The following CMTM8 variants were observed in gnomAD, a reference collection of about 807,000 sequenced individuals.
CMTM8 encodes CKLF-like MARVEL transmembrane domain-containing protein 8.
CMTM8 carries 12 observed loss-of-function variants against 18.6 expected under a neutral mutation model. The ratio of observed to expected loss-of-function variants is 0.65; its 90% CI spans 0.41 to 1.05. The LOEUF is 1.05. Ranked by LOEUF, CMTM8 falls within the 50% of genes least tolerant of loss-of-function variation. The probability of loss-of-function intolerance (pLI) is 0.00; values close to 1 mark genes in which losing one functional copy is unlikely to be tolerated. For missense variants in CMTM8, 217 were observed against 227.2 expected (o/e 0.95, Z 0.29); for synonymous variants, 87 against 90.6 (o/e 0.96, Z 0.23).
intron 1 of CMTM8, among the ~76,000 whole-genome samples, chr3:32,323,805 C>G (rs987387705): frequency 1.3e-5 from 2 of 152,318 alleles, no homozygotes; most frequent in African/African-American, 4.8e-5. Context: ...GTTGCCAAAG[C>G]GTTTCTCCAC....
Position 32,263,846 on chromosome 3 carries a change from A to G in CMTM8, c.147+24727A>G, listed in dbSNP as rs539512220. Among the ~76,000 whole-genome samples the G allele has an allele frequency of 2.6e-5, 4 of 152,356 alleles. No individual in the cohort carries two copies. The East Asian group carries it at 7.7e-4, about 29-fold the overall frequency. On this transcript the variant is annotated intron_variant, in intron 1 of 3. Transcript: ENST00000307526. The stretch of plus-strand genomic sequence containing the variant: ...AATTCGATCAACCGGAAGAAAGGGT[A>G]TCAGTGATGGAAGATCAAATGAATG...
intron 1 of CMTM8, among the ~76,000 whole-genome samples, chr3:32,295,902 T>G (rs1702870754): frequency 6.6e-6 from 1 of 152,202 alleles, no homozygotes; most frequent in African/African-American, 2.4e-5. Flanking sequence ...TCCTAAAATG[T>G]TCCATGCTGT....
intron 1 of CMTM8, among the ~76,000 whole-genome samples, chr3:32,319,638 A>C (rs1696004902): frequency 6.6e-6 from 1 of 152,210 alleles, no homozygotes; most frequent in African/African-American, 2.4e-5. Flanking sequence ...TCAATTGAAC[A>C]GTCCAGTGAC....
chr3:32,294,520 T>C (rs993276431), intron 1 of CMTM8, among the ~76,000 whole-genome samples: 2 of 152,208 alleles, frequency 1.3e-5, no homozygotes, highest in African/African-American at 4.8e-5. Context: ...TGGTTTTGAA[T>C]TCCAGCCTTA....
chr3:32,267,256 T>G (rs1291429642), intron 1 of CMTM8, among the ~76,000 whole-genome samples: 1 of 152,048 alleles, frequency 6.6e-6, no homozygotes, highest in Admixed American at 6.6e-5. Flanking sequence ...AACAGAGATA[T>G]AGACCAATGG....
intron 1 of CMTM8, among the ~76,000 whole-genome samples, chr3:32,297,303 C>T (rs1414715063): frequency 8.5e-5 from 13 of 152,110 alleles, no homozygotes; most frequent in Non-Finnish European, 2.9e-5. Context: ...CTCAGCCTCC[C>T]AAGTAGCTGG....
chr3:32,250,597 C>A (rs1702099952), intron 1 of CMTM8, among the ~76,000 whole-genome samples: 1 of 152,004 alleles, frequency 6.6e-6, no homozygotes, highest in Admixed American at 6.6e-5. Flanking sequence ...ACATGTCTTG[C>A]CCTTCTTTTG....
intron 1 of CMTM8, among the ~76,000 whole-genome samples, chr3:32,344,211 G>A (rs73824690): frequency 1.1e-4 from 16 of 152,262 alleles, no homozygotes; most frequent in African/African-American, 3.6e-4. Context: ...TATTTCAGAG[G>A]TATGCTGAGA....
At chr3:32,324,880 C>T (rs755274507) in intron 1 of CMTM8, among the ~76,000 whole-genome samples, 98 of 152,304 alleles carry the variant, frequency 6.4e-4, no homozygotes, top group Non-Finnish European at 6.9e-4. Context: ...AAGAGGCAAT[C>T]GTGGAAAAGT....
At chr3:32,338,402 C>T (rs1696429339) in intron 1 of CMTM8, among the ~76,000 whole-genome samples, 1 of 152,080 alleles carries the variant, frequency 6.6e-6, no homozygotes, top group South Asian at 2.1e-4. Flanking sequence ...TGACTGAGTA[C>T]CCTAGGGCCA....
intron 1 of CMTM8, among the ~76,000 whole-genome samples, chr3:32,355,673 C>A (rs1050363930): frequency 6.6e-6 from 1 of 152,144 alleles, no homozygotes; most frequent in Admixed American, 6.6e-5. Context: ...TTGCTTAAAA[C>A]TCTCCCACTG....
At chr3:32,338,344 A>G (rs1032365882) in intron 1 of CMTM8, among the ~76,000 whole-genome samples, 3 of 152,140 alleles carry the variant, frequency 2.0e-5, no homozygotes, top group African/African-American at 7.2e-5. Flanking sequence ...CCCTTAGCCC[A>G]GTAGTTCTAA....
chr3:32,317,472 A>G (rs911725926), intron 1 of CMTM8, among the ~76,000 whole-genome samples: 3 of 152,204 alleles, frequency 2.0e-5, no homozygotes, highest in African/African-American at 2.4e-5. Context: ...TTTGGATTTT[A>G]TATTTGAATT....
At chr3:32,362,134 G>A (rs1446980100) in intron 2 of CMTM8, among the ~76,000 whole-genome samples, 3 of 137,066 alleles carry the variant, frequency 2.2e-5, no homozygotes, top group Admixed American at 8.6e-5. Flanking sequence ...TCCGCCTCCC[G>A]GGTTCAAACA....
At chr3:32,250,427 G>A (rs1702098128) in intron 1 of CMTM8, among the ~76,000 whole-genome samples, 1 of 152,182 alleles carries the variant, frequency 6.6e-6, no homozygotes, top group Non-Finnish European at 1.5e-5. Context: ...AAACCTGGCA[G>A]CTGGGATTTC....
intron 1 of CMTM8, chr3:32,259,909 GA>G: frequency 9.6e-7 from 1 of 1,040,644 alleles, no homozygotes; most frequent in Non-Finnish European, 1.5e-6. Context: ...AGAACAGCCT[GA>G]GGGAGGTGGA....
In CMTM8 at chr3:32,247,965, C is replaced by A. The variant is rs190321318; in HGVS notation, c.147+8846C>A. Among the ~76,000 whole-genome samples, 261 of 152,268 alleles carry A rather than the reference C, an allele frequency of 1.7e-3. 1 individual carries two copies. Among genetic ancestry groups the A allele is most frequent in the African/African-American group, 5.8e-3 (243 of 41,560 alleles). On this transcript the variant is annotated intron_variant, in intron 1 of 3. Coordinates refer to ENST00000307526, the MANE Select transcript of CMTM8 (RefSeq NM_178868.5). ...TCTGGACATTTCACATAAATGGAAT[C>A]CTATGTGGCCCTTTTGGTCTGACTT...
At chr3:32,338,226 C>A (rs1050147757) in intron 1 of CMTM8, among the ~76,000 whole-genome samples, 6 of 152,100 alleles carry the variant, frequency 3.9e-5, no homozygotes, top group South Asian at 2.1e-4. Context: ...TTGTGATCTG[C>A]CCGCCTCGGC....
At chr3:32,284,858 G>A (rs1398974782) in intron 1 of CMTM8, among the ~76,000 whole-genome samples, 1 of 152,166 alleles carries the variant, frequency 6.6e-6, no homozygotes, top group Non-Finnish European at 1.5e-5. Context: ...GATTATATTA[G>A]GAATTTTGAG....
Sources: gnomAD v4.1 joint callset for allele counts (sites outside exome capture counted in the v4.1 genomes callset) on GRCh38, gnomAD v4.1.1 for gene constraint, MANE v1.5 for transcripts, NCBI Gene and HGNC (gene_info 2026-07-23, HGNC 2026-07-21) for gene names.